Variants in LRRC4C observed in about 807,000 individuals in gnomAD.
The protein encoded by LRRC4C is leucine rich repeat containing 4C, also known as leucine-rich repeat-containing protein 4C.
Under a neutral mutation model 33.6 loss-of-function variants are expected in LRRC4C, and 5 were observed. The observed-to-expected ratio is 0.15, with a 90% CI of 0.08 to 0.31. The LOEUF is 0.31. Ranked by LOEUF, LRRC4C falls within the 10% of genes least tolerant of loss-of-function variation. The pLI is 1.00. For synonymous variants in LRRC4C, 329 were observed against 302.0 expected (o/e 1.09, Z -0.93); for missense variants, 560 against 796.7 (o/e 0.70, Z 3.58).
chr11:41,192,277 C>G (rs746135338), intron 1 of LRRC4C, among the ~76,000 whole-genome samples: 1 of 151,620 alleles, frequency 6.6e-6, no homozygotes, highest in Non-Finnish European at 1.5e-5. Context: ...TTTTTCACTT[C>G]TTTTGTCAGA....
chr11:40,797,787 G>T (rs1950891409), intron 2 of LRRC4C, among the ~76,000 whole-genome samples: 1 of 152,044 alleles, frequency 6.6e-6, no homozygotes, highest in South Asian at 2.1e-4. Context: ...TGACCACAAA[G>T]ATAAATGTGT....
chr11:40,216,799 A>T (rs963279067), intron 5 of LRRC4C, among the ~76,000 whole-genome samples: 3 of 152,182 alleles, frequency 2.0e-5, no homozygotes, highest in African/African-American at 7.2e-5. Flanking sequence ...AGGTCATCAG[A>T]GTCATGGAAG....
In LRRC4C at chr11:40,304,494, C is replaced by T. The variant is rs75174123; in HGVS notation, c.-176+15134G>A. Among the ~76,000 whole-genome samples, 604 of 152,236 alleles carry T rather than the reference C, an allele frequency of 4.0e-3. 8 individuals are homozygous for T. Among genetic ancestry groups the T allele is most frequent in the African/African-American group, 0.014 (586 of 41,542 alleles). ...GAAAGAGTTTGGGGTTTTGCTCACT[C>T]TCTTTTATTCAAACGAAATATTAAC... On this transcript the variant is annotated intron_variant, in intron 4 of 6. Coordinates refer to ENST00000528697, the MANE Select transcript of LRRC4C (RefSeq NM_001258419.2).
intron 1 of LRRC4C, among the ~76,000 whole-genome samples, chr11:41,070,883 C>T (rs1938626197): frequency 3.3e-5 from 5 of 152,018 alleles, no homozygotes; most frequent in Admixed American, 2.6e-4. Flanking sequence ...ACCATTTGAT[C>T]CAGCAACCCC....
At chr11:41,445,535 C>A (rs1324476756) in intron 1 of LRRC4C, among the ~76,000 whole-genome samples, 1 of 152,014 alleles carries the variant, frequency 6.6e-6, no homozygotes, top group Admixed American at 6.6e-5. Flanking sequence ...CTGAGGCTGG[C>A]GTCACAGTCT....
At chr11:41,378,948 T>C (rs894927834) in intron 1 of LRRC4C, among the ~76,000 whole-genome samples, 5 of 151,972 alleles carry the variant, frequency 3.3e-5, no homozygotes, top group African/African-American at 1.2e-4. Context: ...TTTTTTATTC[T>C]TTTTTCATAT....
intron 1 of LRRC4C, among the ~76,000 whole-genome samples, chr11:41,438,944 A>G (rs1955527310): frequency 6.6e-6 from 1 of 152,188 alleles, no homozygotes; most frequent in Non-Finnish European, 1.5e-5. Context: ...TTTGGGGAAT[A>G]TGAGTGCCAT....
intron 1 of LRRC4C, among the ~76,000 whole-genome samples, chr11:41,078,534 G>C (rs1939323064): frequency 6.6e-6 from 1 of 152,170 alleles, no homozygotes; most frequent in African/African-American, 2.4e-5. Context: ...AAAGCAAACA[G>C]GTCTCACAAT....
At chr11:40,503,519 G>A (rs1344710840) in intron 3 of LRRC4C, among the ~76,000 whole-genome samples, 1 of 152,130 alleles carries the variant, frequency 6.6e-6, no homozygotes, top group African/African-American at 2.4e-5. Flanking sequence ...TATTGTCTAT[G>A]CACATTCTTA....
intron 3 of LRRC4C, among the ~76,000 whole-genome samples, chr11:40,364,542 A>T (rs1948119771): frequency 6.6e-6 from 1 of 152,104 alleles, no homozygotes; most frequent in African/African-American, 2.4e-5. Context: ...CATTAAAAAG[A>T]CTAAAAAAGC....
intron 1 of LRRC4C, among the ~76,000 whole-genome samples, chr11:41,207,503 A>C (rs1946648767): frequency 6.6e-6 from 1 of 152,210 alleles, no homozygotes; most frequent in African/African-American, 2.4e-5. Context: ...TGAAGTCAAA[A>C]GAGTAGGGCC....
At chr11:41,002,658 A>C (rs1473266687) in intron 1 of LRRC4C, among the ~76,000 whole-genome samples, 1 of 152,158 alleles carries the variant, frequency 6.6e-6, no homozygotes, top group African/African-American at 2.4e-5. Context: ...ACAATTTAGT[A>C]GTTTTGAGTA....
At chr11:41,298,548 A>G (rs1950203202) in intron 1 of LRRC4C, among the ~76,000 whole-genome samples, 1 of 152,174 alleles carries the variant, frequency 6.6e-6, no homozygotes, top group African/African-American at 2.4e-5. Flanking sequence ...CAAGTGATTC[A>G]GTCTCTAAAC....
At chr11:40,765,054 G>C (rs1367927407) in intron 2 of LRRC4C, among the ~76,000 whole-genome samples, 2 of 152,110 alleles carry the variant, frequency 1.3e-5, no homozygotes, top group Non-Finnish European at 1.5e-5. Context: ...CCAGCAGCAA[G>C]ACCATCCAGG....
At chr11:40,532,563 G>A (rs752106078) in intron 3 of LRRC4C, among the ~76,000 whole-genome samples, 1 of 151,818 alleles carries the variant, frequency 6.6e-6, no homozygotes. Context: ...TGAGAAGGAG[G>A]ACCACAATTC....
At position 41,154,365 on chromosome 11, in the gene LRRC4C, T is replaced by G. The variant is rs576580960; in HGVS notation, c.-495-220642A>C. ...TCTTCATCTGTACCACCTCTGTTTCTTCATAATTTCATTATGGCCTTTATC... is the reference window on the plus strand; with the variant it reads ...TCTTCATCTGTACCACCTCTGTTTCGTCATAATTTCATTATGGCCTTTATC... On this transcript the variant is annotated intron_variant, in intron 1 of 6. Coordinates refer to ENST00000528697, the MANE Select transcript of LRRC4C (RefSeq NM_001258419.2). Among the ~76,000 whole-genome samples, 5 of 152,270 alleles carry G rather than the reference T, an allele frequency of 3.3e-5. No homozygotes were observed. The East Asian group carries it at 7.7e-4, about 24-fold the overall frequency.
chr11:40,596,879 C>T (rs1268787307), intron 3 of LRRC4C, among the ~76,000 whole-genome samples: 1 of 152,000 alleles, frequency 6.6e-6, no homozygotes, highest in African/African-American at 2.4e-5. Context: ...ATATAAGTGT[C>T]CATCAATGTA....
rs960521285 is a variant in LRRC4C at position 40,852,626 on chromosome 11, G to A, written c.-407+81009C>T. On this transcript the variant is annotated intron_variant, in intron 2 of 6. Coordinates refer to ENST00000528697, the MANE Select transcript of LRRC4C (RefSeq NM_001258419.2). ...ACTGGATAGAAGGCTCAGAAGATTA[G>A]GAGAATCCAATTTACTTAAAGGGAA... is the stretch of plus-strand genomic sequence containing the variant. Among the ~76,000 whole-genome samples, 12 of 152,140 alleles carry A rather than the reference G, an allele frequency of 7.9e-5. No homozygotes were observed. The South Asian group carries it at 2.5e-3, about 32-fold the overall frequency.
At chr11:40,691,778 T>C (rs1487695867) in intron 2 of LRRC4C, among the ~76,000 whole-genome samples, 2 of 152,170 alleles carry the variant, frequency 1.3e-5, no homozygotes, top group Non-Finnish European at 2.9e-5. Context: ...TACTTTGTTA[T>C]GCAGACTCTT....
Sources: allele counts gnomAD v4.1 joint callset (sites outside exome capture counted in the v4.1 genomes callset), GRCh38; gene constraint gnomAD v4.1.1; transcripts MANE v1.5; gene names NCBI Gene and HGNC (gene_info 2026-07-23, HGNC 2026-07-21).